Variants in WNT9B observed in about 807,000 individuals in gnomAD.
The protein encoded by WNT9B is protein Wnt-9b.
Under a neutral mutation model 30.2 loss-of-function variants are expected in WNT9B, and 12 were observed. The observed-to-expected ratio is 0.40, with a 90% CI of 0.26 to 0.64. The LOEUF is 0.64. Among genes scored for constraint, WNT9B ranks in the 30% least tolerant of loss-of-function variants. The pLI is 0.42. For synonymous variants in WNT9B, 218 were observed against 216.9 expected (o/e 1.01, Z -0.05); for missense variants, 442 against 485.2 (o/e 0.91, Z 0.84).
At chr17:46,851,187 G>A (rs1358230179), upstream of WNT9B, among the ~76,000 whole-genome samples, 2 of 152,138 alleles carry the variant, frequency 1.3e-5, no homozygotes, top group African/African-American at 4.8e-5. The surrounding 1 kb of genome is among the most constrained non-coding windows in gnomAD (Gnocchi z 4.3). Context: ...CTCCAGATGC[G>A]TCCCTCCTCC....
intron 1 of WNT9B, among the ~76,000 whole-genome samples, chr17:46,843,546 G>A (rs2084740113): frequency 6.6e-6 from 1 of 152,142 alleles, no homozygotes; most frequent in South Asian, 2.1e-4. Flanking sequence ...TCTTTCCTGG[G>A]TTCCTGCCTC....
At chr17:46,884,036 G>T (rs1041373691), downstream of WNT9B, among the ~76,000 whole-genome samples, 1 of 152,144 alleles carries the variant, frequency 6.6e-6, no homozygotes, top group Non-Finnish European at 1.5e-5. Context: ...CAGTGGAGTG[G>T]TGGAGGCCGG....
Position 46,851,965 on chromosome 17 carries a change from C to T in WNT9B, c.77+250C>T, listed in dbSNP as rs1410224883. On this transcript the variant is annotated intron_variant, in intron 1 of 3. Transcript: ENST00000290015. This position sits in a 1 kb window ranked among gnomAD's most constrained non-coding sequence, Gnocchi z 4.3. ...GTCTCTGGTCGCCCCCCAGCCGCCG[C>T]TCTCCTCATCCCGCCGGGTCTCGGA... Among the ~76,000 whole-genome samples, 1 of 152,164 alleles carries T rather than the reference C, an allele frequency of 6.6e-6. No homozygotes were observed. Among genetic ancestry groups the T allele is most frequent in the Admixed American group, 6.5e-5 (1 of 15,286 alleles).
chr17:46,841,026 C>G (rs2084706761), intron 1 of WNT9B, among the ~76,000 whole-genome samples: 1 of 152,164 alleles, frequency 6.6e-6, no homozygotes, highest in Admixed American at 6.5e-5. Context: ...CATGGAACGC[C>G]TTTCCCGATG....
chr17:46,867,857 T>A (rs1019640149), intron 1 of WNT9B, among the ~76,000 whole-genome samples: 1 of 151,872 alleles, frequency 6.6e-6, no homozygotes, highest in African/African-American at 2.4e-5. Flanking sequence ...TGGTTGGGGG[T>A]GTCCTGGGGT....
At chr17:46,865,617 A>G (rs1209476940) in intron 1 of WNT9B, among the ~76,000 whole-genome samples, 1 of 151,988 alleles carries the variant, frequency 6.6e-6, no homozygotes, top group East Asian at 1.9e-4. Flanking sequence ...TGCTTAGAAA[A>G]GTCCTTTTTG....
At chr17:46,876,193 T>TG in intron 3 of WNT9B, 52 bp from the exon 4 acceptor site, 1 of 1,511,624 alleles carries the variant, frequency 6.6e-7, no homozygotes, top group Non-Finnish European at 8.9e-7. Flanking sequence ...GGGCAGGCTC[T>TG]GGCTGCTGGG....
rs752711648 is a variant in WNT9B, at chr17:46,855,034, T to A, written c.77+3319T>A. Among the ~76,000 whole-genome samples the A allele has an allele frequency of 1.4e-4, 21 of 152,254 alleles. 1 individual carries two copies. Among genetic ancestry groups the A allele is most frequent in the Non-Finnish European group, 2.8e-4 (19 of 68,018 alleles). ...TCTCCAGAGCCATGTAGGATGGGTGTAAATAGTTCCCACAAGGAATCTGAA... is the reference window on the plus strand; with the variant it reads ...TCTCCAGAGCCATGTAGGATGGGTGAAAATAGTTCCCACAAGGAATCTGAA... On this transcript the variant is annotated intron_variant, in intron 1 of 3. Coordinates refer to ENST00000290015, the MANE Select transcript of WNT9B (RefSeq NM_003396.3).
At position 46,876,053 on chromosome 17, in the gene WNT9B, G is replaced by A. The variant is rs186814638; in HGVS notation, c.601-192G>A. On this transcript the variant is annotated intron_variant, in intron 3 of 3. Transcript: ENST00000290015. The stretch of plus-strand genomic sequence containing the variant: ...TCAGTCACTCAGTTGGTGTGAACTG[G>A]GACTGCTGTGTTCAGTCGCGTAAGT... Among the ~76,000 whole-genome samples the A allele has an allele frequency of 1.9e-4, 29 of 152,300 alleles. No individual in the cohort carries two copies. In the East Asian group the frequency reaches 5.6e-3, roughly 29 times the overall value.
Position 46,851,662 on chromosome 17 carries a change from C to G in WNT9B, c.24C>G (p.Ala8=). MRPPPAL[A]LAGLCLLALP... is the part of the protein sequence containing the mutation. Reference sequence around the variant, plus strand: ...CCATGCGCCCCCCGCCCGCGCTGGCCCTGGCCGGGCTCTGCCTGCTGGCGC... The same window carrying G: ...CCATGCGCCCCCCGCCCGCGCTGGCGCTGGCCGGGCTCTGCCTGCTGGCGC... Residue 8 remains alanine, a synonymous_variant, in exon 1 of 4, where the codon GCC becomes GCG. Transcript: ENST00000290015. This position sits in a 1 kb window ranked among gnomAD's most constrained non-coding sequence, Gnocchi z 4.3. 1 of 1,301,116 alleles carries G rather than the reference C, an allele frequency of 7.7e-7. No individual in the cohort carries two copies. The highest frequency in any genetic ancestry group is 9.7e-7 in the Non-Finnish European group (1 of 1,028,750). 80.6% of individuals were successfully genotyped at this position (1,301,116 alleles called of 1,614,324 possible).
intron 1 of WNT9B, chr17:46,833,535 C>T: frequency 2.4e-6 from 1 of 425,480 alleles, no homozygotes; most frequent in Non-Finnish European, 4.7e-6. Context: ...CGAGACACTG[C>T]TGGAGGCCGA....
chr17:46,885,522 C>G (rs956162717), downstream of WNT9B: 2 of 153,080 alleles, frequency 1.3e-5, no homozygotes, highest in African/African-American at 4.8e-5. Flanking sequence ...AGGCTGGTCT[C>G]GAACTCCTGG....
rs2085369631 is a variant in WNT9B at position 46,877,835 on chromosome 17, A to G, written c.*1117A>G. On this transcript the variant is annotated 3_prime_UTR_variant, in exon 4 of 4. Coordinates refer to ENST00000290015, the MANE Select transcript of WNT9B (RefSeq NM_003396.3). ...TAAGGCTTTTGCCCTGGCTGGGGTTATAGGTGCTTGAGTCCTTGCTAAGCC... is the reference window on the plus strand; with the variant it reads ...TAAGGCTTTTGCCCTGGCTGGGGTTGTAGGTGCTTGAGTCCTTGCTAAGCC... Among the ~76,000 whole-genome samples the G allele has an allele frequency of 6.6e-6, 1 of 152,294 alleles. No individual in the cohort carries two copies. Among genetic ancestry groups the G allele is most frequent in the South Asian group, 2.1e-4 (1 of 4,824 alleles).
At position 46,877,508 on chromosome 17, in the gene WNT9B, G is replaced by A. The variant is rs555294890; in HGVS notation, c.*790G>A. ...AGGTGGGAGAACTAGCCACCAAGGC[G>A]GGACTCAGTGCACCTGAGGTTGAAC... is the stretch of plus-strand genomic sequence containing the variant. On this transcript the variant is annotated 3_prime_UTR_variant, in exon 4 of 4. Coordinates refer to ENST00000290015, the MANE Select transcript of WNT9B (RefSeq NM_003396.3). 2.6e-5 allele frequency among the ~76,000 whole-genome samples: 4 copies of A among 152,312 alleles called. No individual in the cohort carries two copies. The highest frequency in any genetic ancestry group is 4.8e-5 in the African/African-American group (2 of 41,560).
chr17:46,842,653 A>G (rs966786737), intron 1 of WNT9B, among the ~76,000 whole-genome samples: 3 of 152,206 alleles, frequency 2.0e-5, no homozygotes, highest in Non-Finnish European at 4.4e-5. Flanking sequence ...GATTACAGGC[A>G]TGAGCCACCG....
chr17:46,842,263 C>T (rs1337200365), intron 1 of WNT9B, among the ~76,000 whole-genome samples: 2 of 152,354 alleles, frequency 1.3e-5, no homozygotes, highest in East Asian at 3.9e-4. Context: ...GTCAGGAGAG[C>T]CTTCCAGCCA....
In WNT9B at chr17:46,878,327, C is replaced by T. The variant is rs957761892; in HGVS notation, c.*1609C>T. 2.0e-5 allele frequency among the ~76,000 whole-genome samples: 3 copies of T among 152,178 alleles called. No homozygotes were observed. Among genetic ancestry groups the T allele is most frequent in the African/African-American group, 7.2e-5 (3 of 41,442 alleles). On this transcript the variant is annotated 3_prime_UTR_variant, in exon 4 of 4. Coordinates refer to ENST00000290015, the MANE Select transcript of WNT9B (RefSeq NM_003396.3). Reference sequence around the variant, plus strand: ...TGAATGCTCAGAAACCTCGCCTGTGCCAGCTCCAGGACAAAGGCCCGCTGA... The same window carrying T: ...TGAATGCTCAGAAACCTCGCCTGTGTCAGCTCCAGGACAAAGGCCCGCTGA...
chr17:46,851,925 C>G lies in WNT9B; in HGVS notation c.77+210C>G, dbSNP rs2084854356. ...CTTCCCCGGCTCCGAATCCATCGCCCTGTTCAGTGTCCGAGTCTCTGGTCG... is the reference window on the plus strand; with the variant it reads ...CTTCCCCGGCTCCGAATCCATCGCCGTGTTCAGTGTCCGAGTCTCTGGTCG... On this transcript the variant is annotated intron_variant, in intron 1 of 3. Transcript: ENST00000290015. This position sits in a 1 kb window ranked among gnomAD's most constrained non-coding sequence, Gnocchi z 4.3. Among the ~76,000 whole-genome samples the G allele has an allele frequency of 1.3e-5, 2 of 152,198 alleles. No homozygotes were observed. Among genetic ancestry groups the G allele is most frequent in the South Asian group, 4.1e-4 (2 of 4,826 alleles).
Position 46,875,130 on chromosome 17 carries a change from G to T in WNT9B, c.364G>T (p.Val122Leu), listed in dbSNP as rs2085323097. 1.2e-6 allele frequency: 2 copies of T among 1,613,792 alleles called. No homozygotes were observed. Among genetic ancestry groups the T allele is most frequent in the Non-Finnish European group, 1.7e-6 (2 of 1,180,040 alleles). The change falls in exon 3 of 4, where the codon GTG becomes TTG. Residue 122 changes from valine to leucine, a missense_variant. Transcript: ENST00000290015. ...GFKETAFLYA[V>L]SSAALTHTLA... ...CAAAGAGACAGCTTTCCTGTACGCGGTGTCCTCTGCCGCCCTCACCCACAC... is the reference window on the plus strand; with the variant it reads ...CAAAGAGACAGCTTTCCTGTACGCGTTGTCCTCTGCCGCCCTCACCCACAC...
Sources: gnomAD v4.1 joint callset for allele counts (sites outside exome capture counted in the v4.1 genomes callset) on GRCh38, gnomAD v4.1.1 for gene constraint, Gnocchi (gnomAD v3.1) non-coding constraint, MANE v1.5 for transcripts, NCBI Gene and HGNC (gene_info 2026-07-23, HGNC 2026-07-21) for gene names.